The following MTSS1 variants were observed in gnomAD, a reference collection of about 807,000 sequenced individuals.
The protein encoded by MTSS1 is protein MTSS 1.
Under a neutral mutation model 79.0 loss-of-function variants are expected in MTSS1, and 18 were observed. That is an observed-to-expected ratio of 0.23 (90% CI 0.16 to 0.34). The LOEUF is 0.34. MTSS1 is among the 10% of genes least tolerant of loss of function. The pLI is 1.00. For missense variants in MTSS1, 815 were observed against 986.2 expected, an observed-to-expected ratio of 0.83 and a Z score of 2.33; for synonymous variants, 341 against 368.6, an observed-to-expected ratio of 0.93 and a Z score of 0.86.
chr8:124,559,957 C>A, intron 10 of MTSS1, among the ~76,000 whole-genome samples: 1 of 152,180 alleles, frequency 6.6e-6, no homozygotes, highest in East Asian at 1.9e-4. Context: ...CTTTCACCTA[C>A]AAAAGAAAGG....
intron 1 of MTSS1, among the ~76,000 whole-genome samples, chr8:124,725,715 T>C (rs756158848): frequency 1.7e-4 from 26 of 152,234 alleles, no homozygotes; most frequent in Admixed American, 5.2e-4. Context: ...GCACACTATA[T>C]ACTGCTTATC....
intron 3 of MTSS1, among the ~76,000 whole-genome samples, chr8:124,605,040 CA>C (rs1453614057): frequency 6.6e-6 from 1 of 152,190 alleles, no homozygotes; most frequent in Admixed American, 6.5e-5. Context: ...ATGGGAAAAC[CA>C]TATTAACAGC....
At chr8:124,622,496 A>G (rs997377448) in intron 3 of MTSS1, among the ~76,000 whole-genome samples, 2 of 151,800 alleles carry the variant, frequency 1.3e-5, no homozygotes, top group Non-Finnish European at 2.9e-5. Context: ...AAAAAAAAAA[A>G]AAAAAAAAAG....
At chr8:124,708,151 T>C (rs1398516309) in intron 1 of MTSS1, among the ~76,000 whole-genome samples, 1 of 152,222 alleles carries the variant, frequency 6.6e-6, no homozygotes, top group Non-Finnish European at 1.5e-5. Context: ...CCCAATCTCT[T>C]GGATTGAACC....
At chr8:124,699,998 G>C (rs1829471674) in intron 2 of MTSS1, among the ~76,000 whole-genome samples, 1 of 152,096 alleles carries the variant, frequency 6.6e-6, no homozygotes, top group South Asian at 2.1e-4. Context: ...AATTAGCCAG[G>C]CGTGGTGGTA....
chr8:124,616,483 C>A (rs566610372), intron 3 of MTSS1, among the ~76,000 whole-genome samples: 1 of 152,026 alleles, frequency 6.6e-6, no homozygotes, highest in Non-Finnish European at 1.5e-5. Context: ...ACCCAACCCC[C>A]ATATGTCAGT....
chr8:124,680,962 G>T (rs961795071), intron 3 of MTSS1, among the ~76,000 whole-genome samples: 2 of 152,124 alleles, frequency 1.3e-5, no homozygotes, highest in Admixed American at 6.5e-5. Flanking sequence ...TAGACCGCAG[G>T]AGAGGAGCTC....
At chr8:124,658,719 A>C (rs1821444366) in intron 3 of MTSS1, among the ~76,000 whole-genome samples, 2 of 152,044 alleles carry the variant, frequency 1.3e-5, no homozygotes, top group Non-Finnish European at 2.9e-5. Context: ...AGCTCCTGAG[A>C]ACTCACTCAC....
At chr8:124,616,371 TAAAA>T (rs68110053) in intron 3 of MTSS1, among the ~76,000 whole-genome samples, 25,572 of 119,472 alleles carry the variant, frequency 0.21, 3,085 homozygotes, top group African/African-American at 0.37. Context: ...TTTCAGGCAG[TAAAA>T]AAAAAAAAAA....
intron 5 of MTSS1, among the ~76,000 whole-genome samples, chr8:124,587,637 T>C (rs1385023010): frequency 6.6e-6 from 1 of 152,200 alleles, no homozygotes; most frequent in Non-Finnish European, 1.5e-5. Flanking sequence ...TAGCTGGGAT[T>C]ACAGGCGCAT....
chr8:124,662,999 T>G (rs1276104881), intron 3 of MTSS1, among the ~76,000 whole-genome samples: 3 of 152,096 alleles, frequency 2.0e-5, no homozygotes, highest in African/African-American at 4.8e-5. Flanking sequence ...CTGCTCTCCT[T>G]TAGCCAGGTG....
intron 3 of MTSS1, among the ~76,000 whole-genome samples, chr8:124,681,987 C>G (rs568458477): frequency 6.6e-6 from 1 of 152,310 alleles, no homozygotes; most frequent in East Asian, 1.9e-4. Flanking sequence ...ACTCCACACA[C>G]AGCCTACAAA....
intron 4 of MTSS1, among the ~76,000 whole-genome samples, chr8:124,590,856 G>T (rs891121561): frequency 3.3e-5 from 5 of 152,172 alleles, no homozygotes; most frequent in African/African-American, 1.2e-4. Flanking sequence ...GGCAGTGGGG[G>T]CCCAAAAGAC....
chr8:124,664,760 T>C (rs980713764), intron 3 of MTSS1, among the ~76,000 whole-genome samples: 2 of 152,144 alleles, frequency 1.3e-5, no homozygotes, highest in African/African-American at 4.8e-5. Context: ...TGTTTCCTTC[T>C]ACACAAACAC....
chr8:124,598,676 C>T (rs1043597432), intron 3 of MTSS1, among the ~76,000 whole-genome samples: 1 of 152,178 alleles, frequency 6.6e-6, no homozygotes, highest in Non-Finnish European at 1.5e-5. Flanking sequence ...TTCCACTTGC[C>T]ATTAAAGAAA....
intron 3 of MTSS1, among the ~76,000 whole-genome samples, chr8:124,685,364 C>A (rs948810475): frequency 6.6e-6 from 1 of 152,210 alleles, no homozygotes; most frequent in African/African-American, 2.4e-5. Flanking sequence ...GATGCAGTGA[C>A]CCATGCCTGT....
chr8:124,725,741 T>TA (rs1833604136), intron 1 of MTSS1, among the ~76,000 whole-genome samples: 1 of 152,242 alleles, frequency 6.6e-6, no homozygotes, highest in Non-Finnish European at 1.5e-5. Context: ...TGTTCAAATT[T>TA]AAAAATTTTT....
chr8:124,625,922 C>G (rs928602404), intron 3 of MTSS1, among the ~76,000 whole-genome samples: 8 of 152,210 alleles, frequency 5.3e-5, no homozygotes, highest in African/African-American at 1.4e-4. Flanking sequence ...TCTCCCTCCC[C>G]TCTCAGTTGG....
intron 3 of MTSS1, among the ~76,000 whole-genome samples, chr8:124,592,908 A>G (rs1035472535): frequency 6.6e-6 from 1 of 152,144 alleles, no homozygotes; most frequent in African/African-American, 2.4e-5. Context: ...ATCCTCCAAA[A>G]TGTCTCCAGA....
Sources: gnomAD v4.1 joint callset for allele counts (sites outside exome capture counted in the v4.1 genomes callset) on GRCh38, gnomAD v4.1.1 for gene constraint, MANE v1.5 for transcripts, NCBI Gene and HGNC (gene_info 2026-07-23, HGNC 2026-07-21) for gene names.